The following KCTD8 variants were observed in gnomAD, a reference collection of about 807,000 sequenced individuals.
The protein encoded by KCTD8 is potassium channel tetramerization domain containing 8.
KCTD8 carries 27 observed loss-of-function variants against 31.5 expected under a neutral mutation model. The ratio of observed to expected loss-of-function variants is 0.86; its 90% CI spans 0.63 to 1.18. KCTD8 has a LOEUF of 1.18. KCTD8 is among the 50% of genes most tolerant of loss of function. The probability of loss-of-function intolerance (pLI) is 0.00; values close to 1 mark genes in which losing one functional copy is unlikely to be tolerated. For missense variants in KCTD8, 658 were observed against 647.7 expected (o/e 1.02, Z -0.17); for synonymous variants, 290 against 280.0 (o/e 1.04, Z -0.36).
intron 1 of KCTD8, among the ~76,000 whole-genome samples, chr4:44,418,775 A>G (rs1251932431): frequency 1.3e-5 from 2 of 152,198 alleles, no homozygotes; most frequent in Non-Finnish European, 2.9e-5. Flanking sequence ...GTGAAGTGGT[A>G]AAAACAGATA....
intron 1 of KCTD8, among the ~76,000 whole-genome samples, chr4:44,242,495 G>A (rs945037421): frequency 6.6e-5 from 10 of 151,954 alleles, no homozygotes; most frequent in Non-Finnish European, 1.0e-4. Flanking sequence ...GGAGAATGGC[G>A]TGAACCCGGG....
intron 1 of KCTD8, among the ~76,000 whole-genome samples, chr4:44,385,142 A>T (rs1720176656): frequency 6.6e-6 from 1 of 151,766 alleles, no homozygotes; most frequent in Non-Finnish European, 1.5e-5. Context: ...CAGTATTATC[A>T]AAAGTGTTAG....
chr4:44,271,876 G>T (rs1716616638), intron 1 of KCTD8, among the ~76,000 whole-genome samples: 1 of 152,146 alleles, frequency 6.6e-6, no homozygotes, highest in Admixed American at 6.6e-5. Context: ...TGAAGGCTGT[G>T]AGTCCCCTGA....
At position 44,447,996 on chromosome 4, in the gene KCTD8, C is replaced by T. The variant is rs768092294; in HGVS notation, c.528G>A (p.Ala176=). 88 of 1,568,180 alleles carry T rather than the reference C, an allele frequency of 5.6e-5. No homozygotes were observed. The highest frequency in any genetic ancestry group is 7.5e-5 in the Non-Finnish European group (87 of 1,157,162). The change falls in exon 1 of 2, where the codon GCG becomes GCA. Residue 176 remains alanine, a synonymous_variant. Coordinates refer to ENST00000360029, the MANE Select transcript of KCTD8 (RefSeq NM_198353.3). ...EDNVSQGSSD[A]LLLRGAAAAV... The stretch of plus-strand genomic sequence containing the variant: ...CGGCCGCCGCCCCGCGCAGCAGCAG[C>T]GCGTCGCTGCTACCCTGCGAGACGT...
intron 1 of KCTD8, among the ~76,000 whole-genome samples, chr4:44,303,053 A>G (rs1418952079): frequency 2.0e-5 from 3 of 152,202 alleles, no homozygotes; most frequent in African/African-American, 7.2e-5. Flanking sequence ...CCAGCCTTGC[A>G]TCCCAGGGAT....
chr4:44,360,989 T>C (rs907052909), intron 1 of KCTD8, among the ~76,000 whole-genome samples: 2 of 151,972 alleles, frequency 1.3e-5, no homozygotes, highest in Non-Finnish European at 2.9e-5. Context: ...TATCTCAAAG[T>C]AGAATTTCCC....
intron 1 of KCTD8, among the ~76,000 whole-genome samples, chr4:44,319,583 T>G (rs1718234889): frequency 6.6e-6 from 1 of 152,170 alleles, no homozygotes; most frequent in Non-Finnish European, 1.5e-5. Context: ...GAGCCCTTCC[T>G]TGTGTAGCTG....
chr4:44,291,554 T>C (rs1205022667), intron 1 of KCTD8, among the ~76,000 whole-genome samples: 1 of 152,108 alleles, frequency 6.6e-6, no homozygotes, highest in Non-Finnish European at 1.5e-5. Context: ...CTTCCCGACA[T>C]TGATCTTGGC....
chr4:44,431,054 T>A (rs971123905), intron 1 of KCTD8, among the ~76,000 whole-genome samples: 7 of 151,714 alleles, frequency 4.6e-5, no homozygotes, highest in African/African-American at 1.7e-4. Context: ...ATAACCAAAT[T>A]TTTAAAATAT....
chr4:44,377,204 A>G (rs1372518642), intron 1 of KCTD8, among the ~76,000 whole-genome samples: 1 of 152,136 alleles, frequency 6.6e-6, no homozygotes, highest in Non-Finnish European at 1.5e-5. Flanking sequence ...TAATGTGTAG[A>G]GAGATGGGTT....
At chr4:44,236,853 T>C (rs1274025126) in intron 1 of KCTD8, among the ~76,000 whole-genome samples, 1 of 152,116 alleles carries the variant, frequency 6.6e-6, no homozygotes, top group Non-Finnish European at 1.5e-5. Context: ...GGGGGCAGTT[T>C]CCCCCATACT....
At chr4:44,381,300 T>C (rs1332698323) in intron 1 of KCTD8, among the ~76,000 whole-genome samples, 1 of 152,052 alleles carries the variant, frequency 6.6e-6, no homozygotes, top group Admixed American at 6.6e-5. Context: ...ATAGATGAAC[T>C]CAGCAAAACT....
intron 1 of KCTD8, among the ~76,000 whole-genome samples, chr4:44,265,618 C>T (rs1383281015): frequency 6.6e-6 from 1 of 152,060 alleles, no homozygotes; most frequent in Non-Finnish European, 1.5e-5. Flanking sequence ...AAATTCAAAC[C>T]AAAGGCAAAG....
intron 1 of KCTD8, among the ~76,000 whole-genome samples, chr4:44,258,296 G>A (rs1212422417): frequency 2.0e-5 from 3 of 151,942 alleles, no homozygotes. Context: ...ATTTGAAACA[G>A]ATTGTGGTGA....
At position 44,199,656 on chromosome 4, in the gene KCTD8, T is replaced by C. The variant is rs530313582; in HGVS notation, c.962-24406A>G. On this transcript the variant is annotated intron_variant, in intron 1 of 1. Transcript: ENST00000360029. ...AACCTTTGGTGCAGCCAAAGCAATG[T>C]TAAGATGAAAGTTTATAGTATTAAA... Among the ~76,000 whole-genome samples the C allele has an allele frequency of 4.6e-5, 7 of 152,212 alleles. No individual in the cohort carries two copies. The South Asian group carries it at 1.5e-3, about 32-fold the overall frequency.
intron 1 of KCTD8, among the ~76,000 whole-genome samples, chr4:44,379,668 G>T (rs1251307513): frequency 6.6e-6 from 1 of 152,090 alleles, no homozygotes; most frequent in Non-Finnish European, 1.5e-5. Context: ...ACTTCCATCA[G>T]ATGGCACACT....
At chr4:44,235,191 G>GTT (rs34823190) in intron 1 of KCTD8, among the ~76,000 whole-genome samples, 18 of 136,576 alleles carry the variant, frequency 1.3e-4, no homozygotes, top group South Asian at 7.1e-4. Flanking sequence ...AGTGTGCTGA[G>GTT]TTTTTTTTTT....
At chr4:44,307,646 T>C (rs577967508) in intron 1 of KCTD8, among the ~76,000 whole-genome samples, 1 of 152,156 alleles carries the variant, frequency 6.6e-6, no homozygotes, top group Non-Finnish European at 1.5e-5. Context: ...TCCACTGTAA[T>C]TTATTTTCCA....
At chr4:44,222,627 G>A (rs890331809) in intron 1 of KCTD8, among the ~76,000 whole-genome samples, 1 of 152,156 alleles carries the variant, frequency 6.6e-6, no homozygotes, top group Non-Finnish European at 1.5e-5. Flanking sequence ...AAACAATGTG[G>A]CTGCAACTTC....
Sources: allele counts gnomAD v4.1 joint callset (sites outside exome capture counted in the v4.1 genomes callset), GRCh38; gene constraint gnomAD v4.1.1; transcripts MANE v1.5; gene names NCBI Gene and HGNC (gene_info 2026-07-23, HGNC 2026-07-21).